MACF1: variants seen among roughly 807,000 people sequenced by gnomAD.
MACF1 encodes the protein microtubule actin crosslinking factor 1, also known as microtubule-actin cross-linking factor 1.
MACF1 carries 193 observed loss-of-function variants against 854.8 expected under a neutral mutation model. The observed-to-expected ratio is 0.23, with a 90% CI of 0.20 to 0.25. MACF1 has a LOEUF of 0.25. MACF1 is among the 10% of genes least tolerant of loss of function. MACF1 has a pLI of 1.00. For synonymous variants in MACF1, 3,185 were observed against 3,226.7 expected (o/e 0.99, Z 0.44); for missense variants, 7,722 against 8,929.1 (o/e 0.86, Z 5.45).
At chr1:39,273,841 CG>C (rs1262887284) in intron 6 of MACF1, among the ~76,000 whole-genome samples, 2 of 152,164 alleles carry the variant, frequency 1.3e-5, no homozygotes, top group Non-Finnish European at 2.9e-5. Flanking sequence ...CCGCCCGCCT[CG>C]GCTTCCCAAA....
intron 2 of MACF1, among the ~76,000 whole-genome samples, chr1:39,126,169 G>A (rs763802503): frequency 2.5e-4 from 38 of 152,184 alleles, no homozygotes; most frequent in Non-Finnish European, 4.0e-4. Flanking sequence ...TTCTGGAGGC[G>A]AGAAGTCTGA....
intron 55 of MACF1, among the ~76,000 whole-genome samples, chr1:39,380,944 TA>T (rs1357846742): frequency 1.3e-5 from 2 of 151,580 alleles, no homozygotes; most frequent in Non-Finnish European, 2.9e-5. Flanking sequence ...CTAAAGAGAG[TA>T]TTAATGATAA....
chr1:39,138,742 G>A (rs1336177370), intron 2 of MACF1, among the ~76,000 whole-genome samples: 1 of 151,780 alleles, frequency 6.6e-6, no homozygotes, highest in African/African-American at 2.4e-5. Context: ...TCAGCTCACT[G>A]CAACCTCCGC....
intron 2 of MACF1, among the ~76,000 whole-genome samples, chr1:39,137,679 A>AT (rs1211612712): frequency 2.0e-4 from 30 of 152,132 alleles, no homozygotes; most frequent in South Asian, 4.1e-4. Context: ...TTTATTTTTT[A>AT]TTTTTTTACC....
Position 39,300,303 on chromosome 1 carries a change from G to C in MACF1, c.2575G>C (p.Asp859His). 1.2e-6 allele frequency: 2 copies of C among 1,614,018 alleles called. No homozygotes were observed. The highest frequency in any genetic ancestry group is 4.5e-5 in the East Asian group (2 of 44,874). Residue 859 changes from aspartate to histidine, a missense_variant, in exon 22 of 101, where the codon GAC (aspartate) becomes CAC (histidine). Asp to His is a moderately conservative substitution (Grantham distance 81, BLOSUM62 -1). Around this residue, in one of 15 missense-constraint regions of MACF1, gnomAD observed 1,137 missense variants for 1,263.0 expected, o/e 0.90. Coordinates refer to ENST00000564288, the MANE Select transcript of MACF1 (RefSeq NM_001394062.1). ...TIVQLKPRSP[D>H]HVLKNTISVK... The stretch of plus-strand genomic sequence containing the variant: ...CGTTCAGCTAAAACCACGCAGTCCA[G>C]ACCATGTGTTAAAGAACACCATTTC...
At chr1:39,214,100 C>A (rs76320174) in intron 1 of MACF1, among the ~76,000 whole-genome samples, 4 of 152,150 alleles carry the variant, frequency 2.6e-5, no homozygotes, top group Admixed American at 2.6e-4. Context: ...TCCTCCCTCC[C>A]TGCCTTCAGG....
chr1:39,288,725 A>AGGTT (rs1645704849), intron 15 of MACF1, among the ~76,000 whole-genome samples: 1 of 152,156 alleles, frequency 6.6e-6, no homozygotes, highest in African/African-American at 2.4e-5. Context: ...TGGGAGGCAG[A>AGGTT]GGTTGCAAGT....
chr1:39,264,662 CTTTTTT>C (rs35145613), intron 6 of MACF1, among the ~76,000 whole-genome samples: 2 of 81,646 alleles, frequency 2.4e-5, no homozygotes, highest in African/African-American at 8.9e-5. Context: ...GATAGGATTT[CTTTTTT>C]TTTTTTTTTT....
At chr1:39,415,461 G>A (rs900056729) in intron 58 of MACF1, among the ~76,000 whole-genome samples, 3 of 148,822 alleles carry the variant, frequency 2.0e-5, no homozygotes, top group African/African-American at 4.9e-5. Context: ...TCAGCCTCCC[G>A]AGTAGCTGGG....
At chr1:39,341,102 C>T (rs1321953037) in intron 40 of MACF1, 149 bp downstream of exon 40, 4 of 663,714 alleles carry the variant, frequency 6.0e-6, no homozygotes, top group Admixed American at 7.0e-5. Flanking sequence ...GGCACAATCC[C>T]AGCTCACTGC....
chr1:39,308,454 C>T (rs1646234438), intron 23 of MACF1, among the ~76,000 whole-genome samples: 1 of 152,132 alleles, frequency 6.6e-6, no homozygotes, highest in Non-Finnish European at 1.5e-5. Flanking sequence ...TCCTATTTAA[C>T]TGATGTCCTG....
chr1:39,111,128 C>T (rs890312941), intron 2 of MACF1, among the ~76,000 whole-genome samples: 1 of 152,134 alleles, frequency 6.6e-6, no homozygotes, highest in Non-Finnish European at 1.5e-5. Context: ...GGAGTTGAAG[C>T]CTCTCTCGTC....
rs1252529249 is a variant in MACF1, at chr1:39,105,671, G to A, written c.220+21233G>A. On this transcript the variant is annotated intron_variant, in intron 2 of 93. Transcript: ENST00000361689. This position sits in a 1 kb window ranked among gnomAD's most constrained non-coding sequence, Gnocchi z 5.9. ...AGCAGCCGGCCAACCGCAGCCAGGA[G>A]AAGGAGTTCGTGCAGGCGTACGAGG... The A allele has an allele frequency of 8.1e-7, 1 of 1,237,258 alleles. No individual in the cohort carries two copies. Among genetic ancestry groups the A allele is most frequent in the Non-Finnish European group, 1.0e-6 (1 of 963,122 alleles). 76.6% of individuals were successfully genotyped at this position (1,237,258 alleles called of 1,614,324 possible). A position where few individuals can be genotyped will look rare whatever the true frequency, so the allele number is the denominator to read the frequency against.
At chr1:39,124,873 C>G (rs545051934) in intron 2 of MACF1, among the ~76,000 whole-genome samples, 1 of 152,170 alleles carries the variant, frequency 6.6e-6, no homozygotes, top group Non-Finnish European at 1.5e-5. Context: ...ATCACATAGC[C>G]AGTCAGTGGC....
intron 2 of MACF1, among the ~76,000 whole-genome samples, chr1:39,131,362 C>T (rs1453338657): frequency 6.8e-6 from 1 of 147,880 alleles, no homozygotes; most frequent in African/African-American, 2.5e-5. Flanking sequence ...TTTGTAGAGA[C>T]AGGGTCTCAC....
chr1:39,096,584 A>G (rs894966069), intron 2 of MACF1, among the ~76,000 whole-genome samples: 11 of 71,262 alleles, frequency 1.5e-4, no homozygotes, highest in African/African-American at 3.8e-4. Flanking sequence ...GCAAGACTCT[A>G]TCTCAAAAAA....
chr1:39,436,035 A>G (rs1350517352), intron 70 of MACF1: 1 of 430,906 alleles, frequency 2.3e-6, no homozygotes, highest in Non-Finnish European at 4.1e-6. Context: ...CCTTTAGCAG[A>G]TGATTTTGGA....
Position 39,292,024 on chromosome 1 carries a change from G to A in MACF1, c.1900G>A (p.Ala634Thr). The A allele has an allele frequency of 6.2e-7, 1 of 1,613,952 alleles. No individual in the cohort carries two copies. The highest frequency in any genetic ancestry group is 8.5e-7 in the Non-Finnish European group (1 of 1,179,954). Residue 634 changes from alanine (A) to threonine (T), a missense_variant, in exon 16 of 101, where the codon GCC (alanine) becomes ACC (threonine). Coordinates refer to ENST00000564288, the MANE Select transcript of MACF1 (RefSeq NM_001394062.1). ...AGAGCTGGGCTCAAGTGTCAAGGAG[G>A]CCAGGTTGTATGAGGTGCGTAGCCT... Reference protein sequence around the residue: ...VEELGSSVKEARLYEGKMSQN... With the variant: ...VEELGSSVKETRLYEGKMSQN...
In MACF1 at chr1:39,334,349, C is replaced by T. The variant is rs189451880; in HGVS notation, c.7761C>T (p.Leu2587=). 2 of 1,614,068 alleles carry T rather than the reference C, an allele frequency of 1.2e-6. No homozygotes were observed. Among genetic ancestry groups the T allele is most frequent in the African/African-American group, 2.7e-5 (2 of 75,014 alleles). The change falls in exon 37 of 101, where the codon CTC becomes CTT. Residue 2587 remains leucine, a synonymous_variant. Transcript: ENST00000564288. ...VQAFTGNFVD[L]ISGQRLTLAE... The stretch of plus-strand genomic sequence containing the variant: ...CCTTTACTGGAAACTTTGTGGATCT[C>T]ATTTCTGGTCAGAGATTGACCTTGG...
Sources: gnomAD v4.1 joint callset for allele counts (sites outside exome capture counted in the v4.1 genomes callset) on GRCh38, gnomAD v4.1.1 for gene constraint, gnomAD v4.1.1 regional missense constraint, Gnocchi (gnomAD v3.1) non-coding constraint, MANE v1.5 for transcripts, NCBI Gene and HGNC (gene_info 2026-07-23, HGNC 2026-07-21) for gene names.